KCNG2: variants seen among roughly 807,000 people sequenced by gnomAD.
KCNG2 encodes voltage-gated potassium channel regulatory subunit KCNG2.
In KCNG2, 7 loss-of-function variants were observed where a neutral mutation model predicts 12.3. The observed-to-expected ratio is 0.57, with a 90% CI of 0.32 to 1.07. The LOEUF (loss-of-function observed/expected upper bound fraction) is 1.07. KCNG2 is among the 50% of genes least tolerant of loss of function. The pLI is 0.04. For missense variants in KCNG2, 703 were observed against 726.0 expected (o/e 0.97, Z 0.36); for synonymous variants, 414 against 351.4 (o/e 1.18, Z -1.99).
chr18:79,857,279 G>A (rs528404309), intron 2 of KCNG2, among the ~76,000 whole-genome samples: 4 of 150,044 alleles, frequency 2.7e-5, no homozygotes, highest in African/African-American at 4.9e-5. Flanking sequence ...CGAACTTGGC[G>A]CTGAAGGTCA....
intron 3 of KCNG2, 108 bp from the exon 4 acceptor site, chr18:79,898,932 G>T: frequency 2.5e-6 from 2 of 801,280 alleles, no homozygotes; most frequent in East Asian, 6.0e-5. Flanking sequence ...GGGTTGGGGC[G>T]GGAAGGGTGG....
chr18:79,867,685 G>A (rs1979660922), intron 3 of KCNG2, among the ~76,000 whole-genome samples: 1 of 152,118 alleles, frequency 6.6e-6, no homozygotes, highest in African/African-American at 2.4e-5. Context: ...GACTGTGTCT[G>A]AATGGGCATA....
chr18:79,899,989 C>T lies in KCNG2; in HGVS notation c.*173C>T, dbSNP rs974180907. The T allele has an allele frequency of 4.2e-6, 2 of 481,034 alleles. No homozygotes were observed. Among genetic ancestry groups the T allele is most frequent in the African/African-American group, 4.1e-5 (2 of 49,220 alleles). The allele number at this position is 481,034 out of a possible 1,614,324, so 29.8% of individuals were successfully genotyped here. On this transcript the variant is annotated 3_prime_UTR_variant, in exon 4 of 4. Coordinates refer to ENST00000316249, the MANE Select transcript of KCNG2 (RefSeq NM_012283.2). ...AACTTGGCGGGGCCCTGCCTGACTC[C>T]CCGTGGCAGCGCTGGGCAAAGTCAC...
intron 1 of KCNG2, among the ~76,000 whole-genome samples, chr18:79,816,988 G>A (rs111335979): frequency 6.4e-4 from 97 of 152,166 alleles, no homozygotes; most frequent in African/African-American, 2.2e-3. Flanking sequence ...CCACTCACAT[G>A]CCTGTCACAT....
chr18:79,846,430 A>G (rs984097028), intron 1 of KCNG2, among the ~76,000 whole-genome samples: 1 of 151,736 alleles, frequency 6.6e-6, no homozygotes. Context: ...AAAAAGAAAG[A>G]AAATAAAAGT....
intron 1 of KCNG2, among the ~76,000 whole-genome samples, chr18:79,826,766 T>G (rs1568247633): frequency 1.3e-5 from 2 of 149,018 alleles, no homozygotes; most frequent in Non-Finnish European, 3.0e-5. Context: ...TCACGGAAGG[T>G]TAGTTCGGCG....
At chr18:79,844,245 C>T (rs1192731263) in intron 1 of KCNG2, among the ~76,000 whole-genome samples, 1 of 152,034 alleles carries the variant, frequency 6.6e-6, no homozygotes, top group African/African-American at 2.4e-5. Flanking sequence ...AAACATCATT[C>T]AGCCTTGAGA....
At chr18:79,871,710 C>T (rs573725966) in intron 3 of KCNG2, among the ~76,000 whole-genome samples, 35 of 152,342 alleles carry the variant, frequency 2.3e-4, no homozygotes, top group African/African-American at 6.7e-4. Context: ...CCCCCTATGA[C>T]GCCTTGGCAG....
chr18:79,895,471 G>C (rs1292570093), intron 3 of KCNG2, among the ~76,000 whole-genome samples: 1 of 151,764 alleles, frequency 6.6e-6, no homozygotes, highest in Non-Finnish European at 1.5e-5. Context: ...GTCTGCCTTT[G>C]ATTGGGTTGT....
intron 3 of KCNG2, among the ~76,000 whole-genome samples, chr18:79,880,011 C>T (rs1242077997): frequency 6.6e-6 from 1 of 152,138 alleles, no homozygotes; most frequent in Non-Finnish European, 1.5e-5. Context: ...CGACTTGGCT[C>T]AGCAATGAGC....
chr18:79,873,011 G>A (rs1979911783), intron 3 of KCNG2, among the ~76,000 whole-genome samples: 1 of 152,202 alleles, frequency 6.6e-6, no homozygotes, highest in African/African-American at 2.4e-5. Flanking sequence ...TGGTCAGTGT[G>A]CAGAAATAGT....
At chr18:79,804,302 C>G (rs1357435820) in intron 1 of KCNG2, among the ~76,000 whole-genome samples, 2 of 152,228 alleles carry the variant, frequency 1.3e-5, no homozygotes, top group South Asian at 2.1e-4. Context: ...TGGACTCTGC[C>G]CGTCAGCACC....
chr18:79,836,185 A>G (rs1294535688), intron 1 of KCNG2, among the ~76,000 whole-genome samples: 1 of 152,234 alleles, frequency 6.6e-6, no homozygotes, highest in Non-Finnish European at 1.5e-5. Context: ...GGAGACAAAA[A>G]GATACATCGT....
chr18:79,836,070 T>A (rs973129970), intron 1 of KCNG2, among the ~76,000 whole-genome samples: 1 of 152,008 alleles, frequency 6.6e-6, no homozygotes, highest in Non-Finnish European at 1.5e-5. Flanking sequence ...AAAAATCAAC[T>A]AAAAAGAGAC....
At chr18:79,856,272 G>A (rs564745785) in intron 1 of KCNG2, among the ~76,000 whole-genome samples, 107 bp from the exon 2 acceptor site, 3 of 152,316 alleles carry the variant, frequency 2.0e-5, no homozygotes, top group Admixed American at 6.5e-5. Context: ...CCTGGTGTGT[G>A]TGCTCGCGGG....
intron 3 of KCNG2, among the ~76,000 whole-genome samples, chr18:79,873,717 G>A (rs1979955749): frequency 6.6e-6 from 1 of 152,216 alleles, no homozygotes; most frequent in Non-Finnish European, 1.5e-5. Context: ...GCAGGAGTCT[G>A]GGAGGAAAGC....
chr18:79,865,913 TGC>T (rs1568262310), intron 3 of KCNG2, among the ~76,000 whole-genome samples: 5 of 124,758 alleles, frequency 4.0e-5, no homozygotes, highest in Non-Finnish European at 5.4e-5. Context: ...GAGGTCTGTG[TGC>T]TGAGAGATCT....
At chr18:79,824,045 C>T (rs2087593120) in intron 1 of KCNG2, among the ~76,000 whole-genome samples, 1 of 152,206 alleles carries the variant, frequency 6.6e-6, no homozygotes, top group Non-Finnish European at 1.5e-5. Context: ...CTCTGTCACC[C>T]AGGCTGGAGT....
intron 3 of KCNG2, among the ~76,000 whole-genome samples, chr18:79,876,840 A>C (rs976527300): frequency 1.3e-5 from 2 of 152,198 alleles, no homozygotes; most frequent in Non-Finnish European, 1.5e-5. Context: ...CCATGCTCAG[A>C]GGAAACCTCA....
Sources: gnomAD v4.1 joint callset for allele counts (sites outside exome capture counted in the v4.1 genomes callset) on GRCh38, gnomAD v4.1.1 for gene constraint, MANE v1.5 for transcripts, NCBI Gene and HGNC (gene_info 2026-07-23, HGNC 2026-07-21) for gene names.